The following IL1RAPL1 variants were observed in gnomAD, a reference collection of about 807,000 sequenced individuals.
IL1RAPL1 encodes the protein interleukin-1 receptor accessory protein-like 1.
A neutral mutation model predicts 48.4 loss-of-function variants in IL1RAPL1; 3 were observed. That is an observed-to-expected ratio of 0.06 (90% CI 0.03 to 0.16). The LOEUF is 0.16. Among genes scored for constraint, IL1RAPL1 ranks in the 10% least tolerant of loss-of-function variants. IL1RAPL1 has a pLI of 1.00. For synonymous variants in IL1RAPL1, 185 were observed against 187.7 expected (o/e 0.99, Z 0.12); for missense variants, 349 against 530.6 (o/e 0.66, Z 3.36).
At chrX:29,049,310 C>T (rs1264388444) in intron 2 of IL1RAPL1, among the ~76,000 whole-genome samples, 1 of 112,549 alleles carries the variant, frequency 8.9e-6, no homozygotes, top group Non-Finnish European at 1.9e-5. Context: ...CACATTTTGC[C>T]TTTTAAGGTT....
At position 29,751,358 on chromosome X, in the gene IL1RAPL1, T is replaced by C. The variant is rs1261902920; in HGVS notation, c.778+82854T>C. ...AAAATAAATAACTGCTTATCATTAC[T>C]GAATTTCTGATGTTCTTGCAAAAAC... On this transcript the variant is annotated intron_variant, in intron 6 of 10. Transcript: ENST00000378993. Among the ~76,000 whole-genome samples, 5 of 111,758 alleles carry C rather than the reference T, an allele frequency of 4.5e-5. No individual in the cohort carries two copies. The East Asian group carries it at 1.1e-3, about 25-fold the overall frequency.
intron 5 of IL1RAPL1, among the ~76,000 whole-genome samples, chrX:29,501,017 G>A (rs1935266959): frequency 9.0e-6 from 1 of 111,519 alleles, no homozygotes; most frequent in African/African-American, 3.3e-5. Context: ...ATATCTCATT[G>A]TTGTTTTGGT....
chrX:28,780,322 T>A (rs1936407853), intron 1 of IL1RAPL1, among the ~76,000 whole-genome samples: 1 of 76,524 alleles, frequency 1.3e-5, no homozygotes, highest in Non-Finnish European at 2.5e-5. Flanking sequence ...TCAATCACAG[T>A]GTGTGTGTGT....
intron 6 of IL1RAPL1, among the ~76,000 whole-genome samples, chrX:29,788,963 G>T (rs934552563): frequency 4.8e-4 from 54 of 111,527 alleles, no homozygotes; most frequent in African/African-American, 1.7e-3. Context: ...GACAAAGAAA[G>T]CAAAACAGAA....
At chrX:28,648,878 C>T (rs1934648754) in intron 1 of IL1RAPL1, among the ~76,000 whole-genome samples, 1 of 111,916 alleles carries the variant, frequency 8.9e-6, no homozygotes, top group Admixed American at 9.5e-5. Flanking sequence ...TACAAAGTTA[C>T]ATTATCGTGG....
rs191885525 is a variant in IL1RAPL1, at chrX:28,951,638, G to T, written c.82+162213G>T. Among the ~76,000 whole-genome samples the T allele has an allele frequency of 2.2e-3, 245 of 110,639 alleles. 2 individuals are homozygous for T. The Middle Eastern group carries it at 0.029, about 13-fold the overall frequency. On this transcript the variant is annotated intron_variant, in intron 2 of 10. Coordinates refer to ENST00000378993, the MANE Select transcript of IL1RAPL1 (RefSeq NM_014271.4). ...TTAGCCTCATTAGAGTGAATATTAT[G>T]GTAGGTTTCAGAAATACAGTTTCTA...
intron 2 of IL1RAPL1, among the ~76,000 whole-genome samples, chrX:28,908,028 A>G (rs1181463063): frequency 9.0e-6 from 1 of 111,406 alleles, no homozygotes; most frequent in East Asian, 2.8e-4. Context: ...AGTTATTTCT[A>G]CTGTTGCTTT....
intron 2 of IL1RAPL1, among the ~76,000 whole-genome samples, chrX:29,166,296 A>G (rs1037503238): frequency 4.4e-5 from 5 of 112,539 alleles, no homozygotes; most frequent in African/African-American, 1.6e-4. Context: ...ATTCTTGCAA[A>G]TAACAGAATG....
chrX:28,737,518 A>G (rs1935858112), intron 1 of IL1RAPL1, among the ~76,000 whole-genome samples: 1 of 110,598 alleles, frequency 9.0e-6, no homozygotes, highest in South Asian at 3.8e-4. Flanking sequence ...TCAGCCTCCC[A>G]AAGTATTGGG....
chrX:29,802,892 T>C (rs771683169), intron 6 of IL1RAPL1, among the ~76,000 whole-genome samples: 70 of 82,728 alleles, frequency 8.5e-4, no homozygotes, highest in African/African-American at 2.5e-3. Context: ...TATATATGTA[T>C]ACATATATAT....
intron 1 of IL1RAPL1, among the ~76,000 whole-genome samples, chrX:28,691,554 A>G (rs1235654794): frequency 8.9e-6 from 1 of 112,121 alleles, no homozygotes; most frequent in East Asian, 2.8e-4. Context: ...GGTGAGAGAC[A>G]ATGGATGATT....
At chrX:29,948,128 A>G (rs1348424151) in intron 9 of IL1RAPL1, among the ~76,000 whole-genome samples, 1 of 111,298 alleles carries the variant, frequency 9.0e-6, no homozygotes, top group Non-Finnish European at 1.9e-5. Flanking sequence ...GGAAGGTGCT[A>G]TTTTATAGAT....
intron 1 of IL1RAPL1, among the ~76,000 whole-genome samples, chrX:28,645,347 CAAAAAAAAAAAAAAA>C (rs35814453): frequency 3.4e-5 from 1 of 29,054 alleles, no homozygotes; most frequent in Non-Finnish European, 6.0e-5. Flanking sequence ...AATTCCGCCT[CAAAAAAAAAAAAAAA>C]AAAAAAAAAA....
chrX:29,849,772 A>G lies in IL1RAPL1; in HGVS notation c.779-67692A>G, dbSNP rs181475367. Among the ~76,000 whole-genome samples, 41 of 112,019 alleles carry G rather than the reference A, an allele frequency of 3.7e-4. 1 individual carries two copies. The highest frequency in any genetic ancestry group is 1.1e-3 in the African/African-American group (33 of 30,871). ...AAATGAAGGGGGAAGAGAGCTTTGG[A>G]TCAGGTCGAAGAGGCTGCCAGGGGC... On this transcript the variant is annotated intron_variant, in intron 6 of 10. Transcript: ENST00000378993.
In IL1RAPL1 at chrX:29,190,289, A is replaced by G. The variant is rs139960647; in HGVS notation, c.83-92649A>G. Among the ~76,000 whole-genome samples the G allele has an allele frequency of 8.0e-5, 9 of 112,092 alleles. No individual in the cohort carries two copies. In the East Asian group the frequency reaches 2.2e-3, roughly 28 times the overall value. ...GCTATTTGGTATCATATGAAGCCAG[A>G]TGTCCTATTTCCAATAATAGAGGTT... On this transcript the variant is annotated intron_variant, in intron 2 of 10. Coordinates refer to ENST00000378993, the MANE Select transcript of IL1RAPL1 (RefSeq NM_014271.4).
At chrX:29,460,029 A>T (rs981391562) in intron 5 of IL1RAPL1, among the ~76,000 whole-genome samples, 1 of 111,907 alleles carries the variant, frequency 8.9e-6, no homozygotes, top group Non-Finnish European at 1.9e-5. Flanking sequence ...ACATTTAAGG[A>T]TGAACAACTG....
At chrX:28,934,002 G>A (rs1213894273) in intron 2 of IL1RAPL1, among the ~76,000 whole-genome samples, 1 of 111,273 alleles carries the variant, frequency 9.0e-6, no homozygotes, top group African/African-American at 3.3e-5. Flanking sequence ...GCCATCTTCG[G>A]TTTGGTGGGT....
chrX:28,738,826 G>C, intron 1 of IL1RAPL1, among the ~76,000 whole-genome samples: 1 of 111,436 alleles, frequency 9.0e-6, no homozygotes, highest in South Asian at 3.8e-4. Context: ...GTTTGCTACT[G>C]TCCTTCCATG....
At chrX:29,884,096 C>G (rs1352391721) in intron 6 of IL1RAPL1, among the ~76,000 whole-genome samples, 1 of 111,579 alleles carries the variant, frequency 9.0e-6, no homozygotes, top group African/African-American at 3.3e-5. Flanking sequence ...CAAAAATGCT[C>G]AAGGATACTA....
Sources: gnomAD v4.1 joint callset for allele counts (sites outside exome capture counted in the v4.1 genomes callset) on GRCh38, gnomAD v4.1.1 for gene constraint, MANE v1.5 for transcripts, NCBI Gene and HGNC (gene_info 2026-07-23, HGNC 2026-07-21) for gene names.